The following SKIC3 variants were observed in gnomAD, a reference collection of about 807,000 sequenced individuals.
SKIC3 encodes the protein SKI3 subunit of superkiller complex, also known as superkiller complex protein 3.
At chr5:95,489,024 C>T in the SKIC3 span, among the ~76,000 whole-genome samples, 1 of 152,094 alleles carries the variant, frequency 6.6e-6, no homozygotes, top group South Asian at 2.1e-4. Flanking sequence ...TCACCTATCA[C>T]AACACATATA....
At chr5:95,554,314 G>A in the SKIC3 span, among the ~76,000 whole-genome samples, 1 of 152,114 alleles carries the variant, frequency 6.6e-6, no homozygotes, top group Admixed American at 6.5e-5. Context: ...AGTGTGATGT[G>A]CAAATTATAT....
At chr5:95,553,356 T>G in the SKIC3 span, among the ~76,000 whole-genome samples, 1 of 152,208 alleles carries the variant, frequency 6.6e-6, no homozygotes, top group African/African-American at 2.4e-5. Flanking sequence ...TAAATATAAC[T>G]TTTATGAATT....
chr5:95,494,715 T>C, the SKIC3 span: 6 of 1,613,610 alleles, frequency 3.7e-6, no homozygotes. Context: ...TGAATGGTCT[T>C]TAGTGCAGTA....
At chr5:95,516,635 A>G in the SKIC3 span, 67 of 1,613,082 alleles carry the variant, frequency 4.2e-5, no homozygotes, top group East Asian at 1.4e-3. Context: ...GAAATACACA[A>G]TCTTCTAAAA....
chr5:95,537,998 A>C, the SKIC3 span, among the ~76,000 whole-genome samples: 228 of 152,294 alleles, frequency 1.5e-3, no homozygotes, highest in African/African-American at 5.4e-3. Context: ...TAAAAACAGT[A>C]ATAAAATTAT....
the SKIC3 span, among the ~76,000 whole-genome samples, chr5:95,539,252 G>GA: frequency 6.1e-3 from 901 of 146,952 alleles, 15 homozygotes; most frequent in African/African-American, 0.021. Context: ...AAATTAGCAA[G>GA]AAAAAAAAAC....
At chr5:95,473,714 C>T in the SKIC3 span, among the ~76,000 whole-genome samples, 1 of 152,110 alleles carries the variant, frequency 6.6e-6, no homozygotes, top group African/African-American at 2.4e-5. Context: ...TATATGTCTT[C>T]TTTTGAGAAG....
the SKIC3 span, among the ~76,000 whole-genome samples, chr5:95,486,725 A>G: frequency 6.6e-6 from 1 of 152,182 alleles, no homozygotes; most frequent in Non-Finnish European, 1.5e-5. Flanking sequence ...ATCTGCCGCT[A>G]ACACCGCAGC....
the SKIC3 span, among the ~76,000 whole-genome samples, chr5:95,496,773 G>T: frequency 6.6e-6 from 1 of 152,198 alleles, no homozygotes; most frequent in East Asian, 1.9e-4. Context: ...AAGTCTGTGG[G>T]TCTTGCAGAC....
chr5:95,490,907 C>T, the SKIC3 span: 2 of 1,614,006 alleles, frequency 1.2e-6, no homozygotes, highest in Non-Finnish European at 1.7e-6. Flanking sequence ...TAAAAACTTA[C>T]TTGAAGCAGA....
the SKIC3 span, among the ~76,000 whole-genome samples, chr5:95,506,503 G>A: frequency 6.6e-6 from 1 of 152,054 alleles, no homozygotes; most frequent in Non-Finnish European, 1.5e-5. Context: ...CTGAAAAACT[G>A]AGGAAAGATA....
the SKIC3 span, chr5:95,509,831 T>A: frequency 1.6e-6 from 1 of 642,820 alleles, no homozygotes; most frequent in Non-Finnish European, 2.8e-6. Context: ...GATTTTATCT[T>A]GAATATAATG....
chr5:95,514,928 G>A, the SKIC3 span: 1 of 1,611,250 alleles, frequency 6.2e-7, no homozygotes, highest in South Asian at 1.1e-5. Context: ...AGCTTGCTAG[G>A]AAAAAAAGGC....
the SKIC3 span, chr5:95,497,305 T>C: frequency 7.6e-6 from 8 of 1,056,058 alleles, no homozygotes; most frequent in Non-Finnish European, 1.1e-5. Flanking sequence ...CAGAACTTTC[T>C]TCATTGTACA....
At chr5:95,520,620 T>C in the SKIC3 span, 16 of 911,396 alleles carry the variant, frequency 1.8e-5, no homozygotes, top group African/African-American at 3.4e-5. Flanking sequence ...TTCTGAGCAA[T>C]TGCTATATCT....
At chr5:95,550,141 C>T in the SKIC3 span, among the ~76,000 whole-genome samples, 1 of 151,666 alleles carries the variant, frequency 6.6e-6, no homozygotes, top group Admixed American at 6.6e-5. Flanking sequence ...TACTACCAAC[C>T]CAAAATATTT....
the SKIC3 span, among the ~76,000 whole-genome samples, chr5:95,532,220 C>T: frequency 4.6e-5 from 7 of 152,120 alleles, no homozygotes; most frequent in Non-Finnish European, 7.4e-5. Context: ...TTAAACAACA[C>T]ACAGGTAATC....
At chr5:95,511,069 GA>G in the SKIC3 span, among the ~76,000 whole-genome samples, 3 of 152,122 alleles carry the variant, frequency 2.0e-5, no homozygotes, top group Non-Finnish European at 4.4e-5. Flanking sequence ...AGTTATTCTT[GA>G]AAAATCCTTA....
the SKIC3 span, chr5:95,517,315 G>C: frequency 4.3e-6 from 7 of 1,612,554 alleles, no homozygotes; most frequent in South Asian, 4.4e-5. Flanking sequence ...GCTCGATGCT[G>C]TAGAGCACTA....
Sources: gnomAD v4.1 joint callset for allele counts (sites outside exome capture counted in the v4.1 genomes callset) on GRCh38, gnomAD v4.1.1 for gene constraint, MANE v1.5 for transcripts, NCBI Gene and HGNC (gene_info 2026-07-23, HGNC 2026-07-21) for gene names.